The following ZNF512 variants were observed in gnomAD, a reference collection of about 807,000 sequenced individuals.
ZNF512 encodes the protein zinc finger protein 512.
In ZNF512, 25 loss-of-function variants were observed where a neutral mutation model predicts 77.5. That is an observed-to-expected ratio of 0.32 (90% CI 0.23 to 0.45). The LOEUF (loss-of-function observed/expected upper bound fraction) is 0.45, where lower values mean the gene tolerates loss of function less well. Ranked by LOEUF, ZNF512 falls within the 20% of genes least tolerant of loss-of-function variation. The probability of loss-of-function intolerance (pLI) is 1.00; values close to 1 mark genes in which losing one functional copy is unlikely to be tolerated. For synonymous variants in ZNF512, 246 were observed against 239.9 expected, an observed-to-expected ratio of 1.03 and a Z score of -0.24; for missense variants, 483 against 692.6, an observed-to-expected ratio of 0.70 and a Z score of 3.40.
intron 11 of ZNF512, 84 bp downstream of exon 11, chr2:27,615,353 T>A: frequency 1.2e-6 from 1 of 832,430 alleles, no homozygotes; most frequent in Non-Finnish European, 1.8e-6. Context: ...CATGACAAAG[T>A]ACCTGAACCT....
At chr2:27,583,781 C>A in intron 2 of ZNF512, 65 bp downstream of exon 2, 2 of 1,562,268 alleles carry the variant, frequency 1.3e-6, no homozygotes, top group South Asian at 1.1e-5. Context: ...AGAACTTCTT[C>A]CTGTGATGAA....
intron 3 of ZNF512, among the ~76,000 whole-genome samples, chr2:27,599,084 G>T (rs115414595): frequency 1.5e-4 from 23 of 151,998 alleles, no homozygotes; most frequent in African/African-American, 5.3e-4. Context: ...CAGGTAATCC[G>T]CCCACTTTGG....
chr2:27,607,281 C>T (rs775411748), intron 9 of ZNF512, among the ~76,000 whole-genome samples: 1 of 151,644 alleles, frequency 6.6e-6, no homozygotes, highest in African/African-American at 2.4e-5. Context: ...GGGCTATGGT[C>T]CATTTTGAGT....
At chr2:27,616,843 G>A (rs867830418) in intron 12 of ZNF512, among the ~76,000 whole-genome samples, 2 of 152,126 alleles carry the variant, frequency 1.3e-5, no homozygotes, top group Non-Finnish European at 2.9e-5. Context: ...ACCAGCCATG[G>A]GAATTGCTGC....
In ZNF512 at chr2:27,598,091, G is replaced by C. The variant is rs771602950; in HGVS notation, c.114G>C (p.Lys38Asn). 17 of 1,603,216 alleles carry C rather than the reference G, an allele frequency of 1.1e-5. No homozygotes were observed. The South Asian group carries it at 1.8e-4, about 17-fold the overall frequency. ...AKNSRTQCSI[K>N]DNSFQYTIPH... ...GTAGCAGGACCCAGTGCTCCATAAA[G>C]GATAATAGTTTCCAGTACACTATCC... The change falls in exon 3 of 14, where the codon AAG becomes AAC. Residue 38 changes from lysine to asparagine, a missense_variant. Transcript: ENST00000355467.
chr2:27,607,859 A>T lies in ZNF512; in HGVS notation c.951A>T (p.Pro317=). Residue 317 remains proline (P), a synonymous_variant, in exon 10 of 14, where the codon CCA becomes CCT. Coordinates refer to ENST00000355467, the MANE Select transcript of ZNF512 (RefSeq NM_032434.4). ...RSEHGPISFF[P]ESGQPECLKE... Reference sequence around the variant, plus strand: ...CATTCTTGCAGATATCCTTCTTTCCAGAGTCAGGACAGCCAGAGTGCTTAA... The same window carrying T: ...CATTCTTGCAGATATCCTTCTTTCCTGAGTCAGGACAGCCAGAGTGCTTAA... 1 of 1,614,106 alleles carries T rather than the reference A, an allele frequency of 6.2e-7. No individual in the cohort carries two copies. The highest frequency in any genetic ancestry group is 2.2e-5 in the East Asian group (1 of 44,876).
intron 2 of ZNF512, among the ~76,000 whole-genome samples, chr2:27,594,561 T>C (rs1396329131): frequency 4.3e-5 from 5 of 116,434 alleles, no homozygotes; most frequent in Non-Finnish European, 8.4e-5. Flanking sequence ...GCTGGTCACA[T>C]CCCAGATGAT....
chr2:27,586,476 C>G (rs1176005485), intron 2 of ZNF512, among the ~76,000 whole-genome samples: 1 of 151,512 alleles, frequency 6.6e-6, no homozygotes. Flanking sequence ...GCAGTTCGCC[C>G]ATCTTGGCCT....
Position 27,621,299 on chromosome 2 carries a change from T to TC in ZNF512, c.1545dup (p.Glu516ArgfsTer7). 1.2e-6 allele frequency: 2 copies of TC among 1,614,102 alleles called. No homozygotes were observed. The highest frequency in any genetic ancestry group is 1.1e-5 in the South Asian group (1 of 91,080). ...GGCGGCAGCAGCCTGGCATTGAGCT[T>TC]CCCGAGACAGAGCTGAGTCTTAGAG... On this transcript the variant is annotated frameshift_variant, in exon 14 of 14. Coordinates refer to ENST00000355467, the MANE Select transcript of ZNF512 (RefSeq NM_032434.4). LOFTEE classifies it high-confidence loss of function.
rs542644768 is a variant in ZNF512, at chr2:27,612,869, G to A, written c.1132-2299G>A. Among the ~76,000 whole-genome samples, 4 of 152,228 alleles carry A rather than the reference G, an allele frequency of 2.6e-5. No homozygotes were observed. The South Asian group carries it at 6.2e-4, about 24-fold the overall frequency. ...TCATTTATTTGTAATAGGTTCATGT[G>A]TTATTTTTATTAAGTTTTGGGTTTC... On this transcript the variant is annotated intron_variant, in intron 10 of 13. Transcript: ENST00000355467.
intron 2 of ZNF512, 92 bp from the exon 3 acceptor site, chr2:27,597,975 C>A: frequency 9.7e-7 from 1 of 1,035,356 alleles, no homozygotes; most frequent in Non-Finnish European, 1.4e-6. Context: ...TAGTTTTCTG[C>A]AGAGGTAACC....
At chr2:27,599,891 G>A (rs1259078915) in intron 4 of ZNF512, 79 bp from the exon 5 acceptor site, 7 of 1,492,890 alleles carry the variant, frequency 4.7e-6, no homozygotes, top group Non-Finnish European at 6.5e-6. Flanking sequence ...GAAATAGGGT[G>A]TTGAAGAGGA....
intron 3 of ZNF512, among the ~76,000 whole-genome samples, 168 bp from the exon 4 acceptor site, chr2:27,599,415 A>G (rs1329488799): frequency 6.9e-6 from 1 of 144,552 alleles, no homozygotes; most frequent in Non-Finnish European, 1.5e-5. Context: ...TCAGTTAATG[A>G]GAAGTTACAC....
intron 7 of ZNF512, among the ~76,000 whole-genome samples, chr2:27,601,943 C>T (rs537648805): frequency 1.6e-4 from 25 of 152,270 alleles, no homozygotes; most frequent in Admixed American, 3.3e-4. Context: ...GCCATCGCGC[C>T]CAGAAATTTT....
At position 27,610,534 on chromosome 2, in the gene ZNF512, A is replaced by ATATGTGTG. The variant is rs1185584761; in HGVS notation, c.1131+2497_1131+2504dup. Among the ~76,000 whole-genome samples the ATATGTGTG allele has an allele frequency of 5.3e-4, 43 of 80,712 alleles. 2 individuals carry two copies. The highest frequency in any genetic ancestry group is 2.7e-3 in the African/African-American group (41 of 14,928). The allele number at this position is 80,712 out of a possible 152,430, so 53.0% of individuals were successfully genotyped here. A position where few individuals can be genotyped will look rare whatever the true frequency, so the allele number is the denominator to read the frequency against. On this transcript the variant is annotated intron_variant, in intron 10 of 13. Coordinates refer to ENST00000355467, the MANE Select transcript of ZNF512 (RefSeq NM_032434.4). ...TATGTGTGTATATGTGTGTGTATAT[A>ATATGTGTG]TATGTGTGTGTATATATATATATAT... is the stretch of plus-strand genomic sequence containing the variant.
chr2:27,584,020 C>T (rs1671227411), intron 2 of ZNF512, among the ~76,000 whole-genome samples: 1 of 152,158 alleles, frequency 6.6e-6, no homozygotes, highest in African/African-American at 2.4e-5. Context: ...AGCTACTAGC[C>T]CCGTACGCCT....
At chr2:27,612,280 G>T (rs186496889) in intron 10 of ZNF512, among the ~76,000 whole-genome samples, 16 of 152,176 alleles carry the variant, frequency 1.1e-4, no homozygotes, top group African/African-American at 3.9e-4. Flanking sequence ...TTTATGACAT[G>T]ATAAGACAGG....
At chr2:27,599,529 T>C (rs568111381) in intron 3 of ZNF512, 54 bp from the exon 4 acceptor site, 715 of 1,324,034 alleles carry the variant, frequency 5.4e-4, no homozygotes, top group Non-Finnish European at 7.2e-4. Flanking sequence ...CAGGCCTAGA[T>C]GTTCATTTAC....
At chr2:27,607,660 G>T (rs1019307533) in intron 9 of ZNF512, among the ~76,000 whole-genome samples, 185 bp from the exon 10 acceptor site, 11 of 152,134 alleles carry the variant, frequency 7.2e-5, no homozygotes, top group Admixed American at 6.5e-4. Context: ...GAGCTACCAC[G>T]CCTGGCCCTA....
Sources: gnomAD v4.1 joint callset for allele counts (sites outside exome capture counted in the v4.1 genomes callset) on GRCh38, gnomAD v4.1.1 for gene constraint, MANE v1.5 for transcripts, NCBI Gene and HGNC (gene_info 2026-07-23, HGNC 2026-07-21) for gene names.